TBCK: variants seen among roughly 807,000 people sequenced by gnomAD.
TBCK encodes the protein TBC domain-containing protein kinase-like protein.
In TBCK, 99 loss-of-function variants were observed where a neutral mutation model predicts 113.4. That is an observed-to-expected ratio of 0.87 (90% CI 0.74 to 1.03). TBCK has a LOEUF of 1.03. TBCK is among the 50% of genes least tolerant of loss of function. The probability of loss-of-function intolerance (pLI) is 0.00; values close to 1 mark genes in which losing one functional copy is unlikely to be tolerated. For missense variants in TBCK, 1,045 were observed against 1,061.3 expected (o/e 0.98, Z 0.21); for synonymous variants, 369 against 370.8 (o/e 1.00, Z 0.05).
At chr4:106,314,593 A>AG (rs1561012875) in intron 1 of TBCK, among the ~76,000 whole-genome samples, 1 of 150,304 alleles carries the variant, frequency 6.7e-6, no homozygotes, top group Non-Finnish European at 1.5e-5. Context: ...TTATTATTCA[A>AG]TCCTACTACG....
At chr4:106,292,632 T>A (rs139590517) in intron 3 of TBCK, among the ~76,000 whole-genome samples, 1 of 151,586 alleles carries the variant, frequency 6.6e-6, no homozygotes, top group Non-Finnish European at 1.5e-5. Flanking sequence ...TGTGAGGAGA[T>A]GGACACAGAG....
chr4:106,263,557 A>T (rs1762699485), intron 3 of TBCK, among the ~76,000 whole-genome samples: 1 of 151,826 alleles, frequency 6.6e-6, no homozygotes, highest in Non-Finnish European at 1.5e-5. Context: ...GCATGAGGGA[A>T]CTGTTCTATC....
At chr4:106,267,126 C>A (rs762039637) in intron 3 of TBCK, among the ~76,000 whole-genome samples, 1 of 151,734 alleles carries the variant, frequency 6.6e-6, no homozygotes, top group Non-Finnish European at 1.5e-5. Flanking sequence ...TACTTTAAAT[C>A]AAAAAATATT....
rs149946667 is a variant in TBCK, at chr4:106,111,435, C to T, written c.2411+4768G>A. ...CTCTTATACTATTCCCCTTGCAGAA[C>T]GGGACAGAGAAAAATTTGCATTTAC... On this transcript the variant is annotated intron_variant, in intron 24 of 25. Coordinates refer to ENST00000394708, the MANE Select transcript of TBCK (RefSeq NM_001163435.3). Among the ~76,000 whole-genome samples, 616 of 152,212 alleles carry T rather than the reference C, an allele frequency of 4.0e-3. 2 individuals are homozygous for T. Among genetic ancestry groups the T allele is most frequent in the Non-Finnish European group, 4.4e-3 (300 of 68,014 alleles).
At chr4:106,242,914 C>T (rs1302528207) in intron 11 of TBCK, among the ~76,000 whole-genome samples, 1 of 144,524 alleles carries the variant, frequency 6.9e-6, no homozygotes, top group Non-Finnish European at 1.5e-5. Flanking sequence ...TTCCTGTGTC[C>T]ATGTGTTCTC....
chr4:106,302,522 G>C lies in TBCK; in HGVS notation c.193+6246C>G, dbSNP rs574744528. 2.0e-5 allele frequency among the ~76,000 whole-genome samples: 3 copies of C among 152,276 alleles called. No homozygotes were observed. In the East Asian group the frequency reaches 5.8e-4, roughly 29 times the overall value. ...GCTTTAGAACTATTTTGTCAATTGA[G>C]AAAAGGAGGCCTAGGAACAGAGGAA... On this transcript the variant is annotated intron_variant, in intron 2 of 25. Coordinates refer to ENST00000394708, the MANE Select transcript of TBCK (RefSeq NM_001163435.3).
At chr4:106,227,749 G>C (rs1758394914) in intron 19 of TBCK, among the ~76,000 whole-genome samples, 1 of 151,986 alleles carries the variant, frequency 6.6e-6, no homozygotes, top group Admixed American at 6.6e-5. Context: ...GTAAATGGGA[G>C]AGTGAGCAGC....
At position 106,112,405 on chromosome 4, in the gene TBCK, A is replaced by G. The variant is rs921261934; in HGVS notation, c.2411+3798T>C. Among the ~76,000 whole-genome samples, 3 of 152,126 alleles carry G rather than the reference A, an allele frequency of 2.0e-5. No individual in the cohort carries two copies. In the South Asian group the frequency reaches 6.2e-4, roughly 31 times the overall value. Reference sequence around the variant, plus strand: ...GCCTACTAAAACAGTTCAATCCCCCATATCTAATGCTTTAACAGTGTTTAC... The same window carrying G: ...GCCTACTAAAACAGTTCAATCCCCCGTATCTAATGCTTTAACAGTGTTTAC... On this transcript the variant is annotated intron_variant, in intron 24 of 25. Coordinates refer to ENST00000394708, the MANE Select transcript of TBCK (RefSeq NM_001163435.3).
intron 25 of TBCK, among the ~76,000 whole-genome samples, chr4:106,091,458 G>A (rs1370352010): frequency 1.3e-5 from 2 of 152,194 alleles, no homozygotes; most frequent in East Asian, 3.8e-4. Context: ...TGTGGTGAGT[G>A]TTACAGTTCT....
intron 23 of TBCK, 47 bp downstream of exon 23, chr4:106,171,048 C>T: frequency 1.4e-6 from 2 of 1,460,720 alleles, no homozygotes; most frequent in Non-Finnish European, 1.8e-6. Flanking sequence ...TTAATTTTAA[C>T]ATCCATCTCC....
At chr4:106,144,353 CA>C (rs766820304) in intron 23 of TBCK, among the ~76,000 whole-genome samples, 32 of 152,122 alleles carry the variant, frequency 2.1e-4, no homozygotes, top group Non-Finnish European at 4.1e-4. Context: ...GGGGGCATGG[CA>C]GGGGCATTGC....
At chr4:106,286,647 T>TAA (rs1245482117) in intron 3 of TBCK, among the ~76,000 whole-genome samples, 1 of 152,050 alleles carries the variant, frequency 6.6e-6, no homozygotes. Flanking sequence ...GGCAACATAA[T>TAA]GAGACCCCTG....
chr4:106,215,206 C>A (rs1240953233), intron 19 of TBCK, among the ~76,000 whole-genome samples: 1 of 151,834 alleles, frequency 6.6e-6, no homozygotes, highest in Non-Finnish European at 1.5e-5. Context: ...AAAAGAGCTC[C>A]TGAAGGAAGC....
At chr4:106,083,286 TC>T (rs941766471) in intron 25 of TBCK, among the ~76,000 whole-genome samples, 1 of 152,200 alleles carries the variant, frequency 6.6e-6, no homozygotes, top group Admixed American at 6.5e-5. Flanking sequence ...CCAAGACTTG[TC>T]CCCACAGCCC....
intron 1 of TBCK, among the ~76,000 whole-genome samples, chr4:106,310,888 G>A (rs1176153647): frequency 6.6e-6 from 1 of 152,132 alleles, no homozygotes; most frequent in Non-Finnish European, 1.5e-5. Context: ...AACATAGAGA[G>A]ATTTGAGGAG....
At chr4:106,299,887 T>C (rs1023233730) in intron 2 of TBCK, among the ~76,000 whole-genome samples, 1 of 152,184 alleles carries the variant, frequency 6.6e-6, no homozygotes, top group Non-Finnish European at 1.5e-5. Flanking sequence ...CTAACAAAGA[T>C]TTGAGGAAGC....
intron 3 of TBCK, among the ~76,000 whole-genome samples, chr4:106,291,178 C>A (rs1321565603): frequency 6.6e-6 from 1 of 152,152 alleles, no homozygotes; most frequent in Non-Finnish European, 1.5e-5. Context: ...TTATTTTAGT[C>A]TGCACGTGGC....
chr4:106,279,779 C>G (rs946891301), intron 3 of TBCK, among the ~76,000 whole-genome samples: 2 of 152,072 alleles, frequency 1.3e-5, no homozygotes, highest in African/African-American at 2.4e-5. Context: ...TTTCTTATGG[C>G]TGAATAGTAC....
chr4:106,210,823 C>G (rs1248489887), intron 20 of TBCK, among the ~76,000 whole-genome samples: 1 of 152,122 alleles, frequency 6.6e-6, no homozygotes, highest in Non-Finnish European at 1.5e-5. Flanking sequence ...TTTAACTCAA[C>G]ATTGTTTCTT....
Sources: allele counts gnomAD v4.1 joint callset (sites outside exome capture counted in the v4.1 genomes callset), GRCh38; gene constraint gnomAD v4.1.1; transcripts MANE v1.5; gene names NCBI Gene and HGNC (gene_info 2026-07-23, HGNC 2026-07-21).